COLEC10: variants seen among roughly 807,000 people sequenced by gnomAD.
COLEC10 encodes the protein collectin-10.
In COLEC10, 22 loss-of-function variants were observed where a neutral mutation model predicts 28.4. That is an observed-to-expected ratio of 0.78 (90% CI 0.55 to 1.11). The LOEUF (loss-of-function observed/expected upper bound fraction) is 1.11. COLEC10 is among the 50% of genes least tolerant of loss of function. The probability of loss-of-function intolerance (pLI) is 0.00; values close to 1 mark genes in which losing one functional copy is unlikely to be tolerated. For missense variants in COLEC10, 361 were observed against 344.1 expected (o/e 1.05, Z -0.39); for synonymous variants, 125 against 116.1 (o/e 1.08, Z -0.49).
chr8:118,984,000 A>T, the COLEC10 span, among the ~76,000 whole-genome samples: 142 of 148,968 alleles, frequency 9.5e-4, 2 homozygotes, highest in African/African-American at 3.7e-3. Context: ...ATTCAAAGGA[A>T]TATAAATTGT....
chr8:118,985,166 G>A, the COLEC10 span, among the ~76,000 whole-genome samples: 1 of 152,060 alleles, frequency 6.6e-6, no homozygotes, highest in South Asian at 2.1e-4. Context: ...TGGATGTCTA[G>A]CTCCCAGAAT....
Position 119,049,216 on chromosome 8 carries a change from C to T in COLEC10, n.235+39663C>T, listed in dbSNP as rs577462111. 1.5e-3 allele frequency among the ~76,000 whole-genome samples: 231 copies of T among 152,144 alleles called. 1 individual carries two copies. The highest frequency in any genetic ancestry group is 5.1e-3 in the African/African-American group (213 of 41,504). On this transcript the variant is annotated intron_variant and non_coding_transcript_variant, in intron 2 of 6. Coordinates refer to the COLEC10 transcript ENST00000521788. ...ACTGAGAGGTCTGCTGCTATCCTAA[C>T]GGGTTTCCCTCTGTACATGACTTGA...
chr8:119,093,829 A>T (rs549521777), intron 3 of COLEC10, among the ~76,000 whole-genome samples: 1 of 152,118 alleles, frequency 6.6e-6, no homozygotes, highest in Non-Finnish European at 1.5e-5. Flanking sequence ...CTAAAAACTA[A>T]TTTGTGCGTC....
At chr8:119,065,346 T>C (rs1814933732), upstream of COLEC10, among the ~76,000 whole-genome samples, 2 of 152,112 alleles carry the variant, frequency 1.3e-5, no homozygotes, top group Non-Finnish European at 2.9e-5. Flanking sequence ...GCACAAACCC[T>C]ATTGTGAATT....
At chr8:119,060,365 T>C (rs1005286761) in intron 2 of COLEC10, among the ~76,000 whole-genome samples, 2 of 152,106 alleles carry the variant, frequency 1.3e-5, no homozygotes, top group African/African-American at 4.8e-5. Context: ...AGATACCATA[T>C]ACTATGTGTT....
At chr8:118,991,392 T>C (rs1390633499), upstream of COLEC10, among the ~76,000 whole-genome samples, 1 of 152,186 alleles carries the variant, frequency 6.6e-6, no homozygotes, top group African/African-American at 2.4e-5. Flanking sequence ...CAATCCTCCC[T>C]GGTACAAATG....
At chr8:119,025,939 A>G (rs1814182325) in intron 2 of COLEC10, among the ~76,000 whole-genome samples, 1 of 152,018 alleles carries the variant, frequency 6.6e-6, no homozygotes, top group Admixed American at 6.6e-5. Flanking sequence ...TCAACAACTC[A>G]CTTGGATTGC....
chr8:118,977,603 G>A, the COLEC10 span, among the ~76,000 whole-genome samples: 1 of 120,594 alleles, frequency 8.3e-6, no homozygotes, highest in Non-Finnish European at 1.7e-5. Context: ...ACTGTTGTGG[G>A]GTGGGGGGAG....
At chr8:119,020,700 C>T (rs1814075428) in intron 2 of COLEC10, among the ~76,000 whole-genome samples, 1 of 152,054 alleles carries the variant, frequency 6.6e-6, no homozygotes, top group Non-Finnish European at 1.5e-5. Context: ...GTAAAGATTC[C>T]ACTTACTTTT....
chr8:119,017,187 G>A (rs748519328), intron 2 of COLEC10, among the ~76,000 whole-genome samples: 1 of 152,130 alleles, frequency 6.6e-6, no homozygotes, highest in Non-Finnish European at 1.5e-5. Context: ...CGTATCCGAG[G>A]ATATATTGCT....
intron 2 of COLEC10, among the ~76,000 whole-genome samples, chr8:119,037,899 TTAAATA>T (rs745393060): frequency 1.3e-5 from 2 of 152,364 alleles, no homozygotes; most frequent in South Asian, 2.1e-4. Flanking sequence ...AATGATTATA[TTAAATA>T]TAAACTTTTG....
chr8:119,005,678 A>C (rs59943296), intron 1 of COLEC10, among the ~76,000 whole-genome samples: 6,707 of 152,236 alleles, frequency 0.044, 217 homozygotes, highest in East Asian at 0.16. Context: ...AAAGAGTGTT[A>C]ATATAAAACA....
chr8:119,061,063 A>G (rs555117616), intron 2 of COLEC10, among the ~76,000 whole-genome samples: 6 of 152,218 alleles, frequency 3.9e-5, no homozygotes, highest in South Asian at 2.1e-4. Context: ...CTGAGATATA[A>G]TAGGTGCTCA....
chr8:118,978,016 G>C, the COLEC10 span, among the ~76,000 whole-genome samples: 1 of 151,824 alleles, frequency 6.6e-6, no homozygotes, highest in Non-Finnish European at 1.5e-5. Flanking sequence ...AAAGACGTAA[G>C]AACTAGGAAG....
chr8:119,085,885 T>C (rs569219868), intron 1 of COLEC10, among the ~76,000 whole-genome samples: 1 of 152,194 alleles, frequency 6.6e-6, no homozygotes, highest in Admixed American at 6.5e-5. Flanking sequence ...CCCAAAGTGC[T>C]GAGATTACAG....
At position 119,012,409 on chromosome 8, in the gene COLEC10, C is replaced by T. The variant is rs529061362; in HGVS notation, n.235+2856C>T. Among the ~76,000 whole-genome samples the T allele has an allele frequency of 1.1e-4, 17 of 150,514 alleles. 2 individuals are homozygous for T. Among genetic ancestry groups the T allele is most frequent in the African/African-American group, 3.7e-4 (15 of 40,364 alleles). On this transcript the variant is annotated intron_variant and non_coding_transcript_variant, in intron 2 of 6. Coordinates refer to the COLEC10 transcript ENST00000521788. The stretch of plus-strand genomic sequence containing the variant: ...AGATTTTTGCATATATGTTCATGAG[C>T]GACACTGGTCTGTAGTTTTTTTTCT...
chr8:119,006,069 G>A (rs1714616599), intron 1 of COLEC10, among the ~76,000 whole-genome samples: 1 of 151,966 alleles, frequency 6.6e-6, no homozygotes, highest in African/African-American at 2.4e-5. Context: ...TAATGTGACA[G>A]TGCCCTAAAT....
At chr8:118,954,993 C>T in the COLEC10 span, among the ~76,000 whole-genome samples, 17 of 152,294 alleles carry the variant, frequency 1.1e-4, no homozygotes, top group East Asian at 2.9e-3. Context: ...ACATCTTGTG[C>T]CTACACTTCC....
intron 1 of COLEC10, among the ~76,000 whole-genome samples, chr8:118,999,453 T>C (rs550458723): frequency 5.5e-4 from 83 of 152,092 alleles, no homozygotes; most frequent in Admixed American, 1.9e-3. Flanking sequence ...TAGCCAGGCA[T>C]GGTCGTGGGT....
Sources: allele counts gnomAD v4.1 joint callset (sites outside exome capture counted in the v4.1 genomes callset), GRCh38; gene constraint gnomAD v4.1.1; transcripts MANE v1.5; gene names NCBI Gene and HGNC (gene_info 2026-07-23, HGNC 2026-07-21).